The following TCF4 variants were observed in gnomAD, a reference collection of about 807,000 sequenced individuals.
The protein encoded by TCF4 is transcription factor 4.
Under a neutral mutation model 82.1 loss-of-function variants are expected in TCF4, and 3 were observed. The observed-to-expected ratio is 0.04, with a 90% confidence interval of 0.02 to 0.09. The LOEUF (loss-of-function observed/expected upper bound fraction) is 0.09. Ranked by LOEUF, TCF4 falls within the 10% of genes least tolerant of loss-of-function variation. The pLI, the probability that TCF4 is intolerant of heterozygous loss-of-function variation, is 1.00. For missense variants in TCF4, 518 were observed against 852.7 expected (o/e 0.61, Z 4.89); for synonymous variants, 276 against 309.6 (o/e 0.89, Z 1.14).
intron 6 of TCF4, chr18:55,401,780 A>G (rs2093834615): frequency 2.0e-6 from 2 of 985,850 alleles, no homozygotes; most frequent in Non-Finnish European, 2.4e-6. Flanking sequence ...GCCAATTCCT[A>G]TTAGTAAGAA....
chr18:55,354,898 C>A (rs571979023), intron 6 of TCF4, among the ~76,000 whole-genome samples: 1 of 152,164 alleles, frequency 6.6e-6, no homozygotes, highest in Non-Finnish European at 1.5e-5. Context: ...AGGGCTTTCT[C>A]GATTCTGCGT....
At chr18:55,583,047 C>A (rs948618126) in intron 3 of TCF4, among the ~76,000 whole-genome samples, 4 of 152,094 alleles carry the variant, frequency 2.6e-5, no homozygotes, top group Non-Finnish European at 5.9e-5. Context: ...CAAATACTAT[C>A]TTGATAGAGG....
intron 3 of TCF4, among the ~76,000 whole-genome samples, chr18:55,556,024 C>T (rs1164601462): frequency 1.3e-5 from 2 of 152,046 alleles, no homozygotes; most frequent in South Asian, 4.2e-4. Context: ...CCAATCTAAC[C>T]CCAAATGAGA....
chr18:55,577,261 CAT>C (rs1278940855), intron 3 of TCF4, among the ~76,000 whole-genome samples: 17 of 136,810 alleles, frequency 1.2e-4, no homozygotes, highest in Non-Finnish European at 1.9e-4. Context: ...CATATTTATA[CAT>C]ATATGTGTAT....
chr18:55,535,767 T>G (rs2097109097), intron 3 of TCF4, among the ~76,000 whole-genome samples: 1 of 152,192 alleles, frequency 6.6e-6, no homozygotes, highest in South Asian at 2.1e-4. Context: ...GGTAGAGAGT[T>G]AAACAAATTA....
At chr18:55,436,837 A>G (rs1358834699) in intron 5 of TCF4, among the ~76,000 whole-genome samples, 3 of 152,198 alleles carry the variant, frequency 2.0e-5, no homozygotes, top group Non-Finnish European at 4.4e-5. Context: ...ACTGAACAGC[A>G]ACAACAACAA....
chr18:55,309,953 A>G (rs1405431240), intron 8 of TCF4, among the ~76,000 whole-genome samples: 1 of 152,220 alleles, frequency 6.6e-6, no homozygotes, highest in African/African-American at 2.4e-5. Context: ...ATTCAAATAA[A>G]AAAATTACCA....
upstream of TCF4, among the ~76,000 whole-genome samples, chr18:55,588,872 T>C (rs1204045881): frequency 1.3e-5 from 2 of 151,888 alleles, no homozygotes; most frequent in African/African-American, 4.8e-5. Flanking sequence ...TGGGGGTGGA[T>C]GTTGTTTTGT....
intron 8 of TCF4, among the ~76,000 whole-genome samples, chr18:55,296,965 G>A (rs535475154): frequency 2.0e-5 from 3 of 152,162 alleles, no homozygotes; most frequent in African/African-American, 4.8e-5. Flanking sequence ...TTTTTCAAAC[G>A]TCATGGGCTC....
chr18:55,339,982 A>G (rs934507718), intron 8 of TCF4, among the ~76,000 whole-genome samples: 3 of 152,196 alleles, frequency 2.0e-5, no homozygotes, highest in Admixed American at 6.5e-5. Context: ...AAAGAAACAG[A>G]CTGCCACACA....
In TCF4 at chr18:55,396,088, C is replaced by A. The variant is rs529201639; in HGVS notation, c.369+7366G>T. ...GTCAGGCCCAGATCCCCCAGTGGGC[C>A]TGGAATCGACCAGACAGGGTTTTCT... is the stretch of plus-strand genomic sequence containing the variant. On this transcript the variant is annotated intron_variant, in intron 6 of 19. Coordinates refer to ENST00000354452, the MANE Select transcript of TCF4 (RefSeq NM_001083962.2). Among the ~76,000 whole-genome samples the A allele has an allele frequency of 2.6e-5, 4 of 152,206 alleles. No individual in the cohort carries two copies. The South Asian group carries it at 8.3e-4, about 32-fold the overall frequency.
intron 2 of TCF4, among the ~76,000 whole-genome samples, chr18:55,616,841 C>A (rs1444559896): frequency 1.3e-5 from 2 of 152,024 alleles, no homozygotes; most frequent in African/African-American, 4.8e-5. Context: ...TTATATTAAC[C>A]TTCTATCAGA....
chr18:55,545,435 T>G (rs1304252859), intron 3 of TCF4, among the ~76,000 whole-genome samples: 1 of 151,712 alleles, frequency 6.6e-6, no homozygotes, highest in East Asian at 1.9e-4. Flanking sequence ...TGGTCTGGGG[T>G]TTTTTTTGTT....
chr18:55,478,065 A>G (rs1006930994), intron 3 of TCF4, among the ~76,000 whole-genome samples: 8 of 152,200 alleles, frequency 5.3e-5, no homozygotes, highest in Admixed American at 6.5e-5. Context: ...AGACCTGAAG[A>G]ATGACGATAA....
intron 6 of TCF4, among the ~76,000 whole-genome samples, chr18:55,371,130 T>A (rs891484315): frequency 2.6e-5 from 4 of 152,160 alleles, no homozygotes; most frequent in Non-Finnish European, 5.9e-5. Context: ...ATTATTGAGG[T>A]CTCTGGAGGT....
At chr18:55,272,747 C>G (rs2060648862) in intron 10 of TCF4, among the ~76,000 whole-genome samples, 1 of 152,018 alleles carries the variant, frequency 6.6e-6, no homozygotes, top group South Asian at 2.1e-4. Flanking sequence ...TACCAGCACC[C>G]CTAGCCTCTA....
chr18:55,543,876 G>A (rs1026269513), intron 3 of TCF4, among the ~76,000 whole-genome samples: 2 of 151,950 alleles, frequency 1.3e-5, no homozygotes, highest in Admixed American at 6.6e-5. Context: ...CATGGCATTC[G>A]GCAAAATTAA....
At chr18:55,262,107 T>G (rs2058192000) in intron 11 of TCF4, among the ~76,000 whole-genome samples, 2 of 152,198 alleles carry the variant, frequency 1.3e-5, no homozygotes, top group South Asian at 4.1e-4. Context: ...AAAGTCTGTG[T>G]TCACACTAAA....
In TCF4 at chr18:55,633,502, G is replaced by T. The variant is rs909865300; in HGVS notation, c.196-2114C>A. 1.7e-4 allele frequency among the ~76,000 whole-genome samples: 26 copies of T among 152,142 alleles called. No individual in the cohort carries two copies. Among genetic ancestry groups the T allele is most frequent in the Admixed American group, 1.6e-3 (24 of 15,274 alleles). ...GTCCTATTTGTTGCAAGCAAGTCAC[G>T]AATTCCAGCCTATATTCAAGGGGAT... On this transcript the variant is annotated intron_variant, in intron 1 of 20. Transcript: ENST00000398339. The surrounding 1 kb of genome is among the most constrained non-coding windows in gnomAD (Gnocchi z 4.0).
Sources: gnomAD v4.1 joint callset for allele counts (sites outside exome capture counted in the v4.1 genomes callset) on GRCh38, gnomAD v4.1.1 for gene constraint, Gnocchi (gnomAD v3.1) non-coding constraint, MANE v1.5 for transcripts, NCBI Gene and HGNC (gene_info 2026-07-23, HGNC 2026-07-21) for gene names.